The following CCSER1 variants were observed in gnomAD, a reference collection of about 807,000 sequenced individuals.
CCSER1 encodes the protein coiled-coil serine rich protein 1.
A neutral mutation model predicts 82.0 loss-of-function variants in CCSER1; 41 were observed. The observed-to-expected ratio is 0.50, with a 90% CI of 0.39 to 0.65. CCSER1 has a LOEUF of 0.65. CCSER1 is among the 30% of genes least tolerant of loss of function. CCSER1 has a pLI of 0.00. For synonymous variants in CCSER1, 414 were observed against 383.9 expected, an observed-to-expected ratio of 1.08 and a Z score of -0.92; for missense variants, 1,119 against 1,064.2, an observed-to-expected ratio of 1.05 and a Z score of -0.72.
intron 8 of CCSER1, among the ~76,000 whole-genome samples, chr4:90,861,978 T>G (rs1042126703): frequency 1.3e-5 from 2 of 148,934 alleles, no homozygotes; most frequent in African/African-American, 4.9e-5. Flanking sequence ...TTGGTGGGAT[T>G]GGAGTGGTAG....
At chr4:90,630,426 T>G (rs911671077) in intron 6 of CCSER1, among the ~76,000 whole-genome samples, 3 of 152,226 alleles carry the variant, frequency 2.0e-5, no homozygotes, top group African/African-American at 7.2e-5. Context: ...TCAGTGATAT[T>G]CACTATAAAG....
At chr4:91,363,878 T>G (rs1425214851) in intron 10 of CCSER1, among the ~76,000 whole-genome samples, 2 of 151,766 alleles carry the variant, frequency 1.3e-5, no homozygotes, top group Non-Finnish European at 3.0e-5. Context: ...TTATATGACT[T>G]TGGATGAAGA....
intron 10 of CCSER1, among the ~76,000 whole-genome samples, chr4:91,546,953 T>A (rs920868947): frequency 6.7e-6 from 1 of 148,686 alleles, no homozygotes. Context: ...AAATATTTTT[T>A]AAATTTCTCT....
intron 10 of CCSER1, among the ~76,000 whole-genome samples, chr4:91,109,295 T>G (rs1034778156): frequency 8.5e-5 from 13 of 152,152 alleles, no homozygotes; most frequent in Non-Finnish European, 1.6e-4. Context: ...CTCATCTATC[T>G]ATCTATTGAT....
Position 91,078,398 on chromosome 4 carries a change from G to C in CCSER1, c.2173-7552G>C, listed in dbSNP as rs149751178. On this transcript the variant is annotated intron_variant, in intron 9 of 10. Coordinates refer to ENST00000509176, the MANE Select transcript of CCSER1 (RefSeq NM_001145065.2). ...AGAAGGAAAAGTAACAAACAGAAAG[G>C]ACATCCACACAAAAACCCCATCTGT... 6.0e-3 allele frequency among the ~76,000 whole-genome samples: 917 copies of C among 152,260 alleles called. 8 individuals carry two copies. Among genetic ancestry groups the C allele is most frequent in the African/African-American group, 0.02 (824 of 41,548 alleles).
chr4:90,758,771 G>T (rs536453611), intron 7 of CCSER1, among the ~76,000 whole-genome samples: 1 of 152,244 alleles, frequency 6.6e-6, no homozygotes, highest in South Asian at 2.1e-4. Flanking sequence ...TATAGCTACT[G>T]TTCTTGAGGA....
intron 10 of CCSER1, among the ~76,000 whole-genome samples, chr4:91,228,099 T>G (rs568555733): frequency 2.0e-5 from 3 of 152,188 alleles, no homozygotes; most frequent in African/African-American, 4.8e-5. Context: ...ATTTTCTGCT[T>G]CTTCTCCCAT....
chr4:90,614,361 G>C (rs1351061038), intron 5 of CCSER1, among the ~76,000 whole-genome samples: 2 of 152,154 alleles, frequency 1.3e-5, no homozygotes, highest in African/African-American at 4.8e-5. Flanking sequence ...TTCAAGTGAA[G>C]AGTCACATTT....
At chr4:91,064,349 C>T (rs60527354) in intron 9 of CCSER1, among the ~76,000 whole-genome samples, 1 of 152,160 alleles carries the variant, frequency 6.6e-6, no homozygotes, top group Middle Eastern at 3.2e-3. Context: ...TCAGCCATGG[C>T]TTATTACAGT....
chr4:90,141,938 C>T (rs1167083737), intron 1 of CCSER1, among the ~76,000 whole-genome samples: 2 of 152,160 alleles, frequency 1.3e-5, no homozygotes, highest in African/African-American at 2.4e-5. Context: ...TACCTGTACT[C>T]GACCTTTGCA....
intron 5 of CCSER1, among the ~76,000 whole-genome samples, chr4:90,540,895 A>G (rs569999325): frequency 6.6e-6 from 1 of 152,270 alleles, no homozygotes; most frequent in South Asian, 2.1e-4. Context: ...TAAGCAATCA[A>G]TAAAATTGTT....
chr4:91,469,740 C>A lies in CCSER1; in HGVS notation c.2218-128832C>A, dbSNP rs147238707. ...TTGTTTAAACAATTCTACATTGGATCTATGATACTTATTAATAAGTGTCTA... is the reference window on the plus strand; with the variant it reads ...TTGTTTAAACAATTCTACATTGGATATATGATACTTATTAATAAGTGTCTA... On this transcript the variant is annotated intron_variant, in intron 10 of 10. Transcript: ENST00000509176. 3.3e-5 allele frequency among the ~76,000 whole-genome samples: 5 copies of A among 152,226 alleles called. No individual in the cohort carries two copies. In the East Asian group the frequency reaches 9.6e-4, roughly 29 times the overall value.
At chr4:90,519,849 A>T (rs978162586) in intron 5 of CCSER1, among the ~76,000 whole-genome samples, 3 of 152,060 alleles carry the variant, frequency 2.0e-5, no homozygotes. Context: ...TCTACCAATG[A>T]CTAACAGATT....
chr4:91,568,889 T>C (rs1763028529), intron 10 of CCSER1, among the ~76,000 whole-genome samples: 1 of 152,218 alleles, frequency 6.6e-6, no homozygotes, highest in East Asian at 1.9e-4. Flanking sequence ...GGAGAAATGG[T>C]GAGGTCATTT....
At chr4:91,148,674 G>T (rs562633132) in intron 10 of CCSER1, among the ~76,000 whole-genome samples, 5 of 152,002 alleles carry the variant, frequency 3.3e-5, no homozygotes, top group African/African-American at 7.2e-5. Flanking sequence ...GTGATGTTCC[G>T]CATCCTGTGT....
intron 3 of CCSER1, among the ~76,000 whole-genome samples, chr4:90,327,976 C>A (rs1401516605): frequency 2.6e-5 from 4 of 152,290 alleles, no homozygotes; most frequent in Non-Finnish European, 1.5e-5. Flanking sequence ...TATTCTCATT[C>A]TTCTTTGCTC....
chr4:90,772,605 G>A (rs17185435), intron 7 of CCSER1, among the ~76,000 whole-genome samples: 28,313 of 151,942 alleles, frequency 0.19, 3,292 homozygotes, highest in South Asian at 0.27. Flanking sequence ...TCCATGCATG[G>A]GCTTAAGTTA....
At position 90,636,402 on chromosome 4, in the gene CCSER1, A is replaced by G. The variant is rs1215554202; in HGVS notation, c.1932+8170A>G. On this transcript the variant is annotated intron_variant, in intron 6 of 10. Coordinates refer to ENST00000509176, the MANE Select transcript of CCSER1 (RefSeq NM_001145065.2). ...TTATGTGGCCAACATATGCCTATTA[A>G]AAAAAATTGGCAAAAATCCTTATAG... Among the ~76,000 whole-genome samples, 5 of 152,018 alleles carry G rather than the reference A, an allele frequency of 3.3e-5. No individual in the cohort carries two copies. In the East Asian group the frequency reaches 9.7e-4, roughly 29 times the overall value.
At chr4:91,089,173 T>A (rs1581526653) in intron 10 of CCSER1, among the ~76,000 whole-genome samples, 1 of 152,200 alleles carries the variant, frequency 6.6e-6, no homozygotes, top group East Asian at 1.9e-4. Context: ...GAAAGGGCCG[T>A]GATTGATTGA....
Sources: gnomAD v4.1 joint callset for allele counts (sites outside exome capture counted in the v4.1 genomes callset) on GRCh38, gnomAD v4.1.1 for gene constraint, MANE v1.5 for transcripts, NCBI Gene and HGNC (gene_info 2026-07-23, HGNC 2026-07-21) for gene names.